AKAP9: variants seen among roughly 807,000 people sequenced by gnomAD.
AKAP9 encodes the protein A-kinase anchor protein 9.
Under a neutral mutation model 488.5 loss-of-function variants are expected in AKAP9, and 311 were observed. The observed-to-expected ratio is 0.64, with a 90% CI of 0.58 to 0.70. The LOEUF (loss-of-function observed/expected upper bound fraction) is 0.70. AKAP9 is among the 30% of genes least tolerant of loss of function. AKAP9 has a pLI of 0.00. For missense variants in AKAP9, 4,215 were observed against 4,374.5 expected (o/e 0.96, Z 1.03); for synonymous variants, 1,462 against 1,483.5 (o/e 0.99, Z 0.33).
At chr7:92,022,435 A>G in intron 13 of AKAP9, 83 bp downstream of exon 13, 1 of 959,004 alleles carries the variant, frequency 1.0e-6, no homozygotes, top group East Asian at 2.4e-5. Context: ...AATGTGAGCT[A>G]ACGTAGTGAC....
At chr7:91,969,982 CTT>C (rs1415982053) in intron 1 of AKAP9, among the ~76,000 whole-genome samples, 2 of 152,064 alleles carry the variant, frequency 1.3e-5, no homozygotes, top group African/African-American at 4.8e-5. Flanking sequence ...TAATTCCTCT[CTT>C]CTTCCTTTCT....
Position 92,002,477 on chromosome 7 carries a change from G to GA in AKAP9, c.2567dup (p.Asn856LysfsTer3), listed in dbSNP as rs1247973585. 6.2e-7 allele frequency: 1 copy of GA among 1,609,706 alleles called. No individual in the cohort carries two copies. The highest frequency in any genetic ancestry group is 1.1e-5 in the South Asian group (1 of 89,578). On this transcript the variant is annotated frameshift_variant, in exon 8 of 50. Coordinates refer to ENST00000356239, the MANE Select transcript of AKAP9 (RefSeq NM_005751.5). LOFTEE classifies it high-confidence loss of function. ...GCAAAGGAACACTTTTTCATTTGCT[G>GA]AAAAAAACTTTGAAGTTAACTATCA...
intron 21 of AKAP9, 135 bp from the exon 22 acceptor site, chr7:92,052,591 T>C (rs1296663124): frequency 1.7e-6 from 1 of 605,894 alleles, no homozygotes; most frequent in African/African-American, 1.9e-5. Context: ...GCATATTTTA[T>C]TTGTTTGGTT....
At position 91,973,771 on chromosome 7, in the gene AKAP9, A is replaced by G. The variant is rs752156538; in HGVS notation, c.109A>G (p.Lys37Glu). ...SDGQSPSKKQKKKRKTSSSKH... is the reference protein window; with the variant it reads ...SDGQSPSKKQEKKRKTSSSKH... ...TGGGCAGAGTCCTTCCAAGAAGCAG[A>G]AAAAAAAGAGAAAAACGTCAAGCAG... Residue 37 changes from lysine (K) to glutamate (E), a missense_variant, in exon 2 of 50, where the codon AAA (lysine) becomes GAA (glutamate). This residue lies in a region of AKAP9 where 2,361 missense variants were observed against 2,430.0 expected (regional missense o/e 0.97). Coordinates refer to ENST00000356239, the MANE Select transcript of AKAP9 (RefSeq NM_005751.5). 59 of 1,613,776 alleles carry G rather than the reference A, an allele frequency of 3.7e-5. No individual in the cohort carries two copies. Among genetic ancestry groups the G allele is most frequent in the Admixed American group, 1.7e-4 (10 of 59,974 alleles).
At position 92,097,656 on chromosome 7, in the gene AKAP9, C is replaced by CA; in HGVS notation, c.10473dup (p.Glu3492ArgfsTer6). 1 of 1,614,052 alleles carries CA rather than the reference C, an allele frequency of 6.2e-7. No homozygotes were observed. ...CTTCAACAGAAAATAGAAGGAGAAA[C>CA]AAAAGAATCAAACTACGCTAAATTG... is the stretch of plus-strand genomic sequence containing the variant. On this transcript the variant is annotated frameshift_variant, in exon 42 of 50. Transcript: ENST00000356239. LOFTEE classifies it high-confidence loss of function.
chr7:91,995,585 GTTTC>G lies in AKAP9; in HGVS notation c.733-12_733-9del, dbSNP rs771403705. The stretch of plus-strand genomic sequence containing the variant: ...TCACTTCAGAATTTAACGTTTTGAG[GTTTC>G]TTTCTATTTTCAGTTACAGGCTAGT... On this transcript the variant is annotated splice_polypyrimidine_tract_variant and intron_variant, in intron 6 of 49. Coordinates refer to ENST00000356239, the MANE Select transcript of AKAP9 (RefSeq NM_005751.5). The G allele has an allele frequency of 8.7e-6, 14 of 1,612,452 alleles. No homozygotes were observed. The Admixed American group carries it at 1.8e-4, about 21-fold the overall frequency.
intron 45 of AKAP9, 121 bp from the exon 46 acceptor site, chr7:92,102,473 T>TACTACTACTACC (rs1006485529): frequency 4.3e-6 from 3 of 704,994 alleles, no homozygotes; most frequent in Non-Finnish European, 7.6e-6. Flanking sequence ...CTACTACTAC[T>TACTACTACTACC]ACTACTACTA....
chr7:92,046,540 T>A (rs541044460), intron 21 of AKAP9, among the ~76,000 whole-genome samples: 1 of 152,324 alleles, frequency 6.6e-6, no homozygotes, highest in Admixed American at 6.5e-5. Context: ...TTAGCTGAGT[T>A]CAAAGATAGT....
At chr7:92,013,269 G>A (rs1801034564) in intron 9 of AKAP9, among the ~76,000 whole-genome samples, 1 of 152,040 alleles carries the variant, frequency 6.6e-6, no homozygotes, top group South Asian at 2.1e-4. Context: ...GGGATTACAG[G>A]CGTGAGCCAC....
intron 1 of AKAP9, among the ~76,000 whole-genome samples, chr7:91,969,891 G>C (rs2130547101): frequency 6.6e-6 from 1 of 152,248 alleles, no homozygotes; most frequent in African/African-American, 2.4e-5. Context: ...TTGAAGAATT[G>C]AGTGTATTTA....
intron 12 of AKAP9, 84 bp from the exon 13 acceptor site, chr7:92,022,154 T>G: frequency 9.2e-7 from 1 of 1,088,494 alleles, no homozygotes; most frequent in South Asian, 1.3e-5. Context: ...AAAAGCATCT[T>G]AAATGCAGAG....
intron 7 of AKAP9, among the ~76,000 whole-genome samples, chr7:91,997,607 C>CA (rs1584771588): frequency 1.3e-5 from 2 of 151,854 alleles, no homozygotes; most frequent in East Asian, 1.9e-4. Context: ...CAGTAAGGAG[C>CA]AAAAAATGGT....
At chr7:91,956,399 CA>C (rs554292233) in intron 1 of AKAP9, among the ~76,000 whole-genome samples, 3,686 of 107,920 alleles carry the variant, frequency 0.034, 96 homozygotes, top group African/African-American at 0.1. Flanking sequence ...GACTCTGTCT[CA>C]AAAAAAAAAA....
intron 45 of AKAP9, among the ~76,000 whole-genome samples, chr7:92,101,406 C>T (rs1478633677): frequency 6.6e-6 from 1 of 150,508 alleles, no homozygotes; most frequent in Non-Finnish European, 1.5e-5. Flanking sequence ...CACTGCACTC[C>T]AGCCTGGGCC....
chr7:91,955,614 T>A (rs529141988), intron 1 of AKAP9, among the ~76,000 whole-genome samples: 3 of 152,372 alleles, frequency 2.0e-5, no homozygotes, highest in East Asian at 3.9e-4. Context: ...TATAGGAATT[T>A]ACGTCAGTAT....
At chr7:92,036,478 T>A (rs1475118377) in intron 16 of AKAP9, among the ~76,000 whole-genome samples, 1 of 152,100 alleles carries the variant, frequency 6.6e-6, no homozygotes, top group Non-Finnish European at 1.5e-5. Flanking sequence ...AGATGAGGTA[T>A]TTGTTTTTAT....
chr7:92,103,007 GC>G (rs1179183602), intron 46 of AKAP9, among the ~76,000 whole-genome samples, 181 bp downstream of exon 46: 1 of 152,028 alleles, frequency 6.6e-6, no homozygotes, highest in Non-Finnish European at 1.5e-5. Context: ...AGGAATACTG[GC>G]AGGGTATGTG....
intron 1 of AKAP9, among the ~76,000 whole-genome samples, chr7:91,964,773 A>C (rs976014730): frequency 3.3e-5 from 5 of 152,092 alleles, no homozygotes; most frequent in Admixed American, 3.3e-4. Context: ...AACAAAATCT[A>C]ACTAAAATTT....
intron 3 of AKAP9, among the ~76,000 whole-genome samples, chr7:91,980,996 A>G (rs567514512): frequency 6.6e-6 from 1 of 152,326 alleles, no homozygotes; most frequent in Non-Finnish European, 1.5e-5. Context: ...AATAGGAAAA[A>G]AAAACTCCAT....
Sources: gnomAD v4.1 joint callset for allele counts (sites outside exome capture counted in the v4.1 genomes callset) on GRCh38, gnomAD v4.1.1 for gene constraint, gnomAD v4.1.1 regional missense constraint, MANE v1.5 for transcripts, NCBI Gene and HGNC (gene_info 2026-07-23, HGNC 2026-07-21) for gene names.